ABCD3: variants seen among roughly 807,000 people sequenced by gnomAD.
The protein encoded by ABCD3 is ATP binding cassette subfamily D member 3, also known as ATP-binding cassette sub-family D member 3.
A neutral mutation model predicts 105.5 loss-of-function variants in ABCD3; 41 were observed. The observed-to-expected ratio is 0.39, with a 90% confidence interval of 0.30 to 0.50. ABCD3 has a LOEUF of 0.50. Among genes scored for constraint, ABCD3 ranks in the 20% least tolerant of loss-of-function variants. The pLI is 0.84. For missense variants in ABCD3, 622 were observed against 806.3 expected (o/e 0.77, Z 2.77); for synonymous variants, 258 against 269.0 (o/e 0.96, Z 0.40).
intron 9 of ABCD3, chr1:94,482,107 A>G (rs962833088): frequency 2.0e-5 from 3 of 152,138 alleles, no homozygotes; most frequent in African/African-American, 7.2e-5. Context: ...TTAGGTGTGG[A>G]GAGGAGATAG....
At chr1:94,391,035 A>T in the ABCD3 span, among the ~76,000 whole-genome samples, 1 of 152,196 alleles carries the variant, frequency 6.6e-6, no homozygotes, top group Non-Finnish European at 1.5e-5. Context: ...GTTCACAGTT[A>T]CGCTGATAAA....
intron 15 of ABCD3, 78 bp from the exon 16 acceptor site, chr1:94,491,105 AT>A: frequency 1.0e-6 from 1 of 999,358 alleles, no homozygotes; most frequent in Admixed American, 2.0e-5. Context: ...TAATCAGGTT[AT>A]TTGTATTTTT....
At chr1:94,415,998 A>G (rs1028772562), upstream of ABCD3, among the ~76,000 whole-genome samples, 3 of 152,240 alleles carry the variant, frequency 2.0e-5, no homozygotes, top group Non-Finnish European at 4.4e-5. Flanking sequence ...TTGAGCTCGA[A>G]TAACTAGTGT....
chr1:94,408,131 C>T, the ABCD3 span, among the ~76,000 whole-genome samples: 8 of 152,086 alleles, frequency 5.3e-5, no homozygotes, highest in East Asian at 3.9e-4. Flanking sequence ...TAAACCAGTA[C>T]GATACAGAGC....
intron 21 of ABCD3, among the ~76,000 whole-genome samples, chr1:94,511,724 C>T (rs984625414): frequency 6.6e-5 from 10 of 152,024 alleles, no homozygotes; most frequent in African/African-American, 9.7e-5. Flanking sequence ...CTTCCCTTCT[C>T]GCTTCATTTC....
At chr1:94,506,448 C>T in intron 20 of ABCD3, 90 bp from the exon 21 acceptor site, 1 of 761,726 alleles carries the variant, frequency 1.3e-6, no homozygotes, top group Non-Finnish European at 2.4e-6. Flanking sequence ...ATTTACAAGA[C>T]TACAAATGCA....
upstream of ABCD3, among the ~76,000 whole-genome samples, chr1:94,415,367 T>C (rs1275952516): frequency 1.3e-5 from 2 of 152,214 alleles, no homozygotes; most frequent in Non-Finnish European, 2.9e-5. Flanking sequence ...TAGCTCAAAT[T>C]CTTTAAAAAT....
intron 7 of ABCD3, 25 bp downstream of exon 7, chr1:94,475,762 ATTAT>A: frequency 6.3e-7 from 1 of 1,576,320 alleles, no homozygotes; most frequent in Non-Finnish European, 8.7e-7. Flanking sequence ...TTTTTAAAAG[ATTAT>A]TTGTTTAATT....
chr1:94,451,081 T>G (rs1476121809), intron 1 of ABCD3, among the ~76,000 whole-genome samples: 1 of 152,220 alleles, frequency 6.6e-6, no homozygotes, highest in Non-Finnish European at 1.5e-5. Flanking sequence ...TTCATTTGGT[T>G]TTCTCAGATC....
chr1:94,432,990 T>C (rs1381156401), intron 1 of ABCD3, among the ~76,000 whole-genome samples: 2 of 140,444 alleles, frequency 1.4e-5, no homozygotes, highest in South Asian at 2.3e-4. Context: ...GAGTAACTGG[T>C]ATTACAGGCA....
chr1:94,476,838 G>A (rs746266289), intron 7 of ABCD3, among the ~76,000 whole-genome samples: 7 of 151,890 alleles, frequency 4.6e-5, no homozygotes, highest in African/African-American at 7.3e-5. Flanking sequence ...CAGTAATTAA[G>A]CTTTCTTTTC....
chr1:94,479,386 C>T (rs1347594857), intron 8 of ABCD3, among the ~76,000 whole-genome samples: 2 of 151,108 alleles, frequency 1.3e-5, no homozygotes, highest in Non-Finnish European at 2.9e-5. Flanking sequence ...TCTTTTTGGT[C>T]CACATTTGTA....
intron 4 of ABCD3, chr1:94,472,290 G>C: frequency 1.6e-5 from 14 of 872,738 alleles, no homozygotes; most frequent in Non-Finnish European, 1.8e-5. Context: ...TTCACAGCTT[G>C]GGCAGCACTA....
intron 20 of ABCD3, among the ~76,000 whole-genome samples, chr1:94,502,823 T>A (rs192993395): frequency 6.6e-6 from 1 of 152,234 alleles, no homozygotes; most frequent in East Asian, 1.9e-4. Context: ...TGAACTTTTG[T>A]GCAATTCAGT....
At chr1:94,418,194 T>G (rs28365840), upstream of ABCD3, among the ~76,000 whole-genome samples, 10 of 152,292 alleles carry the variant, frequency 6.6e-5, no homozygotes, top group East Asian at 1.9e-3. Context: ...CAACAGCTCC[T>G]CCGCGCCGCG....
At chr1:94,515,408 A>G (rs1254107462) in intron 22 of ABCD3, among the ~76,000 whole-genome samples, 1 of 151,990 alleles carries the variant, frequency 6.6e-6, no homozygotes, top group Non-Finnish European at 1.5e-5. Context: ...GTTTTTCTCC[A>G]GTTTTATAAG....
At chr1:94,510,887 C>G (rs1386860698) in intron 21 of ABCD3, among the ~76,000 whole-genome samples, 2 of 152,024 alleles carry the variant, frequency 1.3e-5, no homozygotes, top group Non-Finnish European at 2.9e-5. Context: ...ATGTGTGTCT[C>G]TGCACGTGAG....
chr1:94,482,169 T>C (rs1348080863), intron 9 of ABCD3: 1 of 152,198 alleles, frequency 6.6e-6, no homozygotes, highest in Non-Finnish European at 1.5e-5. Context: ...AGGCTTCTTA[T>C]ACTCTTGAGT....
intron 1 of ABCD3, among the ~76,000 whole-genome samples, chr1:94,448,168 A>T (rs1283296891): frequency 6.6e-6 from 1 of 152,200 alleles, no homozygotes; most frequent in Non-Finnish European, 1.5e-5. Context: ...GACGGACTCT[A>T]ACTCCTTATT....
Sources: allele counts gnomAD v4.1 joint callset (sites outside exome capture counted in the v4.1 genomes callset), GRCh38; gene constraint gnomAD v4.1.1; transcripts MANE v1.5; gene names NCBI Gene and HGNC (gene_info 2026-07-23, HGNC 2026-07-21).